The following ZIC1 variants were observed in gnomAD, a reference collection of about 807,000 sequenced individuals.
ZIC1 encodes zinc finger protein ZIC 1.
A neutral mutation model predicts 30.9 loss-of-function variants in ZIC1; 4 were observed. The observed-to-expected ratio is 0.13, with a 90% CI of 0.06 to 0.30. The LOEUF (loss-of-function observed/expected upper bound fraction) is 0.30. ZIC1 is among the 10% of genes least tolerant of loss of function. The probability of loss-of-function intolerance (pLI) is 1.00; values close to 1 mark genes in which losing one functional copy is unlikely to be tolerated. For missense variants in ZIC1, 441 were observed against 639.3 expected (o/e 0.69, Z 3.34); for synonymous variants, 305 against 277.5 (o/e 1.10, Z -0.98).
In ZIC1 at chr3:147,410,444, C is replaced by T; in HGVS notation, c.332C>T (p.Ala111Val). The change falls in exon 1 of 3, where the codon GCG becomes GTG. Residue 111 changes from alanine to valine, a missense_variant. By Grantham distance (64) the Ala-to-Val change is moderately conservative (BLOSUM62 0). Coordinates refer to ENST00000282928, the MANE Select transcript of ZIC1 (RefSeq NM_003412.4). Reference sequence around the variant, plus strand: ...CGCAACCGGGGTTTTGGCGACGCGGCGGCGGCAGCCAGCGCACAGCACAGC... The same window carrying T: ...CGCAACCGGGGTTTTGGCGACGCGGTGGCGGCAGCCAGCGCACAGCACAGC... ...LFRNRGFGDA[A>V]AAASAQHSLF... 6.2e-7 allele frequency: 1 copy of T among 1,603,346 alleles called. No homozygotes were observed. Among genetic ancestry groups the T allele is most frequent in the Non-Finnish European group, 8.5e-7 (1 of 1,179,462 alleles).
chr3:147,410,389 G>A lies in ZIC1; in HGVS notation c.277G>A (p.Ala93Thr). ...CCACGTCGGCTCCTATTCCAGCGCA[G>A]CCTTCAACTCCACGCGGGACTTTCT... ...PGHVGSYSSAAFNSTRDFLFR... is the reference protein window; with the variant it reads ...PGHVGSYSSATFNSTRDFLFR... The change falls in exon 1 of 3, where the codon GCC (alanine) becomes ACC (threonine). Residue 93 changes from alanine to threonine, a missense_variant. Ala to Thr is a moderately conservative substitution (Grantham distance 58). Coordinates refer to ENST00000282928, the MANE Select transcript of ZIC1 (RefSeq NM_003412.4). The A allele has an allele frequency of 6.2e-7, 1 of 1,602,404 alleles. No individual in the cohort carries two copies. The highest frequency in any genetic ancestry group is 8.5e-7 in the Non-Finnish European group (1 of 1,179,696).
Position 147,412,609 on chromosome 3 carries a change from C to T in ZIC1, c.1074C>T (p.Ser358=), listed in dbSNP as rs138369951. Residue 358 remains serine, a synonymous_variant, in exon 2 of 3, where the codon AGC becomes AGT. Transcript: ENST00000282928. ...DRKKHMHVHT[S]DKPYLCKMCD... Reference sequence around the variant, plus strand: ...AGAAGCACATGCACGTGCACACGAGCGACAAGCCCTATCTTTGCAAGATGT... The same window carrying T: ...AGAAGCACATGCACGTGCACACGAGTGACAAGCCCTATCTTTGCAAGATGT... The T allele has an allele frequency of 6.2e-7, 1 of 1,614,216 alleles. No individual in the cohort carries two copies. Among genetic ancestry groups the T allele is most frequent in the Non-Finnish European group, 8.5e-7 (1 of 1,180,034 alleles).
chr3:147,410,487 C>A lies in ZIC1; in HGVS notation c.375C>A (p.Ala125=), dbSNP rs1325856652. 1 of 1,606,098 alleles carries A rather than the reference C, an allele frequency of 6.2e-7. No homozygotes were observed. Among genetic ancestry groups the A allele is most frequent in the Non-Finnish European group, 8.5e-7 (1 of 1,178,756 alleles). Reference sequence around the variant, plus strand: ...AGCACAGCCTCTTTGCTGCATCGGCCGGGGGCTTCGGGGGCCCACACGGCC... The same window carrying A: ...AGCACAGCCTCTTTGCTGCATCGGCAGGGGGCTTCGGGGGCCCACACGGCC... ...SAQHSLFAAS[A]GGFGGPHGHT... Residue 125 remains alanine (A), a synonymous_variant, in exon 1 of 3, where the codon GCC becomes GCA. Coordinates refer to ENST00000282928, the MANE Select transcript of ZIC1 (RefSeq NM_003412.4).
Position 147,413,460 on chromosome 3 carries a change from C to G in ZIC1, c.1253C>G (p.Thr418Ser). ...TIVSPSTDNP[T>S]TSSLSPSSSA... Reference sequence around the variant, plus strand: ...GTGTCTCCCTCCACAGACAACCCGACCACAAGCTCCTTATCGCCCTCCTCC... The same window carrying G: ...GTGTCTCCCTCCACAGACAACCCGAGCACAAGCTCCTTATCGCCCTCCTCC... Residue 418 changes from threonine to serine, a missense_variant, in exon 3 of 3, where the codon ACC becomes AGC. Around this residue, in one of 5 missense-constraint regions of ZIC1, gnomAD observed 56 missense variants for 52.5 expected, o/e 1.07. Coordinates refer to ENST00000282928, the MANE Select transcript of ZIC1 (RefSeq NM_003412.4). 6.2e-7 allele frequency: 1 copy of G among 1,614,202 alleles called. No individual in the cohort carries two copies.
At position 147,412,606 on chromosome 3, in the gene ZIC1, G is replaced by A. The variant is rs372811924; in HGVS notation, c.1071G>A (p.Thr357=). ...GCAAGAAGCACATGCACGTGCACACGAGCGACAAGCCCTATCTTTGCAAGA... is the reference window on the plus strand; with the variant it reads ...GCAAGAAGCACATGCACGTGCACACAAGCGACAAGCCCTATCTTTGCAAGA... ...SDRKKHMHVH[T]SDKPYLCKMC... is the part of the protein sequence containing the mutation. Residue 357 remains threonine (T), a synonymous_variant, in exon 2 of 3, where the codon ACG becomes ACA. Coordinates refer to ENST00000282928, the MANE Select transcript of ZIC1 (RefSeq NM_003412.4). 7 of 1,614,206 alleles carry A rather than the reference G, an allele frequency of 4.3e-6. No individual in the cohort carries two copies. Among genetic ancestry groups the A allele is most frequent in the South Asian group, 3.3e-5 (3 of 91,088 alleles).
chr3:147,412,759 C>A, intron 2 of ZIC1, 78 bp downstream of exon 2: 1 of 1,539,896 alleles, frequency 6.5e-7, no homozygotes, highest in Non-Finnish European at 8.8e-7. Flanking sequence ...CGGCGAGTGG[C>A]AGACAGGCGG....
Position 147,414,196 on chromosome 3 carries a change from C to G in ZIC1, c.*645C>G, listed in dbSNP as rs938966162. On this transcript the variant is annotated 3_prime_UTR_variant, in exon 3 of 3. Coordinates refer to ENST00000282928, the MANE Select transcript of ZIC1 (RefSeq NM_003412.4). ...ACCCAATATTATTGGTATTAATGTG[C>G]TTTTTTTGTATAAAGTGCAAACATT... is the stretch of plus-strand genomic sequence containing the variant. 8 of 152,426 alleles carry G rather than the reference C, an allele frequency of 5.2e-5. No homozygotes were observed. Among genetic ancestry groups the G allele is most frequent in the African/African-American group, 1.9e-4 (8 of 41,398 alleles). The allele number at this position is 152,426 out of a possible 1,614,324, so 9.4% of individuals were successfully genotyped here.
chr3:147,409,914 T>C lies in ZIC1; in HGVS notation c.-199T>C, dbSNP rs1455322605. On this transcript the variant is annotated 5_prime_UTR_variant, in exon 1 of 3. Transcript: ENST00000282928. The stretch of plus-strand genomic sequence containing the variant: ...CGCAGCCGTCCGGCTACTTTGCGTT[T>C]GGCCCGGCCAGCGCCCGGGCGCGCC... 3.5e-6 allele frequency: 2 copies of C among 573,022 alleles called. No individual in the cohort carries two copies. Among genetic ancestry groups the C allele is most frequent in the Non-Finnish European group, 2.9e-6 (1 of 348,448 alleles). The allele number at this position is 573,022 out of a possible 1,614,324, so 35.5% of individuals were successfully genotyped here. A position where few individuals can be genotyped will look rare whatever the true frequency, so the allele number is the denominator to read the frequency against.
chr3:147,409,979 G>T lies in ZIC1; in HGVS notation c.-134G>T, dbSNP rs951157067. 4 of 1,019,492 alleles carry T rather than the reference G, an allele frequency of 3.9e-6. No homozygotes were observed. Among genetic ancestry groups the T allele is most frequent in the Non-Finnish European group, 5.4e-6 (4 of 740,608 alleles). The allele number at this position is 1,019,492 out of a possible 1,614,324, so 63.2% of individuals were successfully genotyped here. ...AGGCTAGGACTTCGCGAGGTGGGTC[G>T]ACTCCCCCTCCCTCCTCCTCTTCTT... On this transcript the variant is annotated 5_prime_UTR_variant, in exon 1 of 3. Coordinates refer to ENST00000282928, the MANE Select transcript of ZIC1 (RefSeq NM_003412.4).
At position 147,409,777 on chromosome 3, in the gene ZIC1, C is replaced by T. The variant is rs2087345939; in HGVS notation, c.-336C>T. ...GGGGCTGAGATGCTCCATGCCTTTC[C>T]CCGGGCAGCCTTGACGCGCGGCCCT... is the stretch of plus-strand genomic sequence containing the variant. On this transcript the variant is annotated 5_prime_UTR_variant, in exon 1 of 3. Coordinates refer to ENST00000282928, the MANE Select transcript of ZIC1 (RefSeq NM_003412.4). The T allele has an allele frequency of 1.1e-5, 4 of 364,286 alleles. No individual in the cohort carries two copies. The South Asian group carries it at 1.7e-4, about 15-fold the overall frequency. The allele number at this position is 364,286 out of a possible 1,614,324, so 22.6% of individuals were successfully genotyped here. A position where few individuals can be genotyped will look rare whatever the true frequency, so the allele number is the denominator to read the frequency against.
Position 147,410,274 on chromosome 3 carries a change from C to T in ZIC1, c.162C>T (p.His54=), listed in dbSNP as rs758813821. Residue 54 remains histidine (H), a synonymous_variant, in exon 1 of 3, where the codon CAC becomes CAT. Transcript: ENST00000282928. ...MGAFKLNPSS[H]ELASAGQTAF... ...CCTTCAAGCTCAACCCCAGTTCGCA[C>T]GAGCTGGCTTCGGCCGGCCAGACGG... is the stretch of plus-strand genomic sequence containing the variant. 2.1e-5 allele frequency: 34 copies of T among 1,600,702 alleles called. 1 individual carries two copies. In the South Asian group the frequency reaches 3.6e-4, roughly 17 times the overall value.
chr3:147,410,523 C>A lies in ZIC1; in HGVS notation c.411C>A (p.Ala137=), dbSNP rs750080738. The change falls in exon 1 of 3, where the codon GCC becomes GCA. Residue 137 remains alanine, a synonymous_variant. Coordinates refer to ENST00000282928, the MANE Select transcript of ZIC1 (RefSeq NM_003412.4). ...GFGGPHGHTD[A]AGHLLFPGLH... ...GGGGCCCACACGGCCACACGGACGC[C>A]GCGGGCCACCTCCTCTTCCCCGGGC... The A allele has an allele frequency of 3.7e-6, 6 of 1,608,922 alleles. No homozygotes were observed. Among genetic ancestry groups the A allele is most frequent in the South Asian group, 1.1e-5 (1 of 90,920 alleles).
At position 147,411,045 on chromosome 3, in the gene ZIC1, G is replaced by A. The variant is rs748631648; in HGVS notation, c.933G>A (p.Lys311=). 1 of 1,614,106 alleles carries A rather than the reference G, an allele frequency of 6.2e-7. No homozygotes were observed. The highest frequency in any genetic ancestry group is 1.1e-5 in the South Asian group (1 of 91,078). Residue 311 remains lysine, a synonymous_variant, in exon 1 of 3, where the codon AAG becomes AAA. Transcript: ENST00000282928. The part of the protein sequence containing the change: ...PFPCPFPGCG[K]VFARSENLKI... ...CCTGCCCCTTCCCTGGCTGTGGCAA[G>A]GTCTTCGCGCGCTCCGAGAATTTAA...
rs913255729 is a variant in ZIC1 at position 147,409,899 on chromosome 3, C to T, written c.-214C>T. The T allele has an allele frequency of 1.5e-5, 8 of 538,950 alleles. No individual in the cohort carries two copies. In the East Asian group the frequency reaches 2.7e-4, roughly 18 times the overall value. 33.4% of individuals were successfully genotyped at this position (538,950 alleles called of 1,614,324 possible). On this transcript the variant is annotated 5_prime_UTR_variant, in exon 1 of 3. Coordinates refer to ENST00000282928, the MANE Select transcript of ZIC1 (RefSeq NM_003412.4). ...GCGTTACTCGCGGCCCGCAGCCGTCCGGCTACTTTGCGTTTGGCCCGGCCA... is the reference window on the plus strand; with the variant it reads ...GCGTTACTCGCGGCCCGCAGCCGTCTGGCTACTTTGCGTTTGGCCCGGCCA...
Position 147,410,000 on chromosome 3 carries a change from T to A in ZIC1, c.-113T>A, listed in dbSNP as rs921154242. ...GGTCGACTCCCCCTCCCTCCTCCTC[T>A]TCTTCCTCCTCTTCCTCCTCCTCTT... On this transcript the variant is annotated 5_prime_UTR_variant, in exon 1 of 3. Coordinates refer to ENST00000282928, the MANE Select transcript of ZIC1 (RefSeq NM_003412.4). 3.3e-6 allele frequency: 4 copies of A among 1,202,710 alleles called. No individual in the cohort carries two copies. The East Asian group carries it at 1.2e-4, about 35-fold the overall frequency. 74.5% of individuals were successfully genotyped at this position (1,202,710 alleles called of 1,614,324 possible). A position where few individuals can be genotyped will look rare whatever the true frequency, so the allele number is the denominator to read the frequency against.
chr3:147,413,580 C>G lies in ZIC1; in HGVS notation c.*29C>G, dbSNP rs948228095. The G allele has an allele frequency of 7.4e-6, 12 of 1,611,888 alleles. No individual in the cohort carries two copies. The highest frequency in any genetic ancestry group is 1.7e-5 in the Admixed American group (1 of 59,918). ...CAGAAACAAAACATCGAACAAAACCCTATTTAAGAGACTGATCACACACGT... is the reference window on the plus strand; with the variant it reads ...CAGAAACAAAACATCGAACAAAACCGTATTTAAGAGACTGATCACACACGT... On this transcript the variant is annotated 3_prime_UTR_variant, in exon 3 of 3. Transcript: ENST00000282928.
Position 147,415,831 on chromosome 3 carries a change from C to T in ZIC1, c.*2280C>T, listed in dbSNP as rs1414229553. On this transcript the variant is annotated 3_prime_UTR_variant, in exon 3 of 3. Transcript: ENST00000282928. ...AAAAATGTTCAATTTCTTTAAGAAT[C>T]CTTTGTTGACTTGTCTTTTCATCTC... 1 of 152,164 alleles carries T rather than the reference C, an allele frequency of 6.6e-6. No homozygotes were observed. The highest frequency in any genetic ancestry group is 1.5e-5 in the Non-Finnish European group (1 of 68,026). The allele number at this position is 152,164 out of a possible 1,614,324, so 9.4% of individuals were successfully genotyped here. A position where few individuals can be genotyped will look rare whatever the true frequency, so the allele number is the denominator to read the frequency against.
In ZIC1 at chr3:147,411,186, C is replaced by CG. The variant is rs574862364; in HGVS notation, c.982+94dup. On this transcript the variant is annotated intron_variant, in intron 1 of 2. Coordinates refer to ENST00000282928, the MANE Select transcript of ZIC1 (RefSeq NM_003412.4). ...CGGCCAGGTCGCACAAACGCAGCCT[C>CG]GGTGGGATCCCGGGCGTCAGGTTCC... 4.2e-4 allele frequency: 625 copies of CG among 1,503,952 alleles called. 2 individuals carry two copies. In the East Asian group the frequency reaches 4.3e-3, roughly 10 times the overall value. 93.2% of individuals were successfully genotyped at this position (1,503,952 alleles called of 1,614,324 possible). A position where few individuals can be genotyped will look rare whatever the true frequency, so the allele number is the denominator to read the frequency against.
rs1465546934 is a variant in ZIC1, at chr3:147,414,019, G to A, written c.*468G>A. On this transcript the variant is annotated 3_prime_UTR_variant, in exon 3 of 3. Coordinates refer to ENST00000282928, the MANE Select transcript of ZIC1 (RefSeq NM_003412.4). ...TGGCGTTGTGGTCTTTGCATTGGGG[G>A]AGGGGGGAGGGACCGGATGGGCGGG... is the stretch of plus-strand genomic sequence containing the variant. 1.5e-5 allele frequency: 2 copies of A among 131,254 alleles called. No homozygotes were observed. The highest frequency in any genetic ancestry group is 3.3e-5 in the Non-Finnish European group (2 of 61,084). 8.1% of individuals were successfully genotyped at this position (131,254 alleles called of 1,614,324 possible). A position where few individuals can be genotyped will look rare whatever the true frequency, so the allele number is the denominator to read the frequency against.
Sources: allele counts gnomAD v4.1 joint callset, GRCh38; gene constraint gnomAD v4.1.1; regional missense constraint gnomAD v4.1.1; transcripts MANE v1.5; gene names NCBI Gene and HGNC (gene_info 2026-07-23, HGNC 2026-07-21).